The following ELOVL7 variants were observed in gnomAD, a reference collection of about 807,000 sequenced individuals.
ELOVL7 encodes the protein very long chain fatty acid elongase 7.
Under a neutral mutation model 35.7 loss-of-function variants are expected in ELOVL7, and 27 were observed. The ratio of observed to expected loss-of-function variants is 0.76; its 90% CI spans 0.56 to 1.04. The LOEUF is 1.04. Ranked by LOEUF, ELOVL7 falls within the 50% of genes least tolerant of loss-of-function variation. ELOVL7 has a pLI of 0.00. For synonymous variants in ELOVL7, 113 were observed against 114.6 expected, an observed-to-expected ratio of 0.99 and a Z score of 0.09; for missense variants, 327 against 340.8, an observed-to-expected ratio of 0.96 and a Z score of 0.32.
At chr5:60,809,049 AAAT>A (rs1213013468) in intron 1 of ELOVL7, among the ~76,000 whole-genome samples, 13 of 152,210 alleles carry the variant, frequency 8.5e-5, no homozygotes, top group Non-Finnish European at 1.5e-5. Context: ...TTTCTTTAAA[AAAT>A]AATATTAAGA....
chr5:60,816,330 G>A (rs900072211), intron 1 of ELOVL7, among the ~76,000 whole-genome samples: 14 of 151,190 alleles, frequency 9.3e-5, no homozygotes, highest in Non-Finnish European at 1.6e-4. Context: ...GCAGTGAGCC[G>A]AGATTGCATC....
chr5:60,822,543 C>G (rs1172339933), intron 1 of ELOVL7, among the ~76,000 whole-genome samples: 1 of 152,128 alleles, frequency 6.6e-6, no homozygotes, highest in African/African-American at 2.4e-5. Context: ...AAAGTAAATC[C>G]CAATGTGACA....
chr5:60,802,724 C>T (rs1464446855), intron 1 of ELOVL7: 2 of 152,104 alleles, frequency 1.3e-5, no homozygotes, highest in Admixed American at 1.3e-4. Context: ...GAAAATTAGA[C>T]CATAAGCCTT....
intron 7 of ELOVL7, among the ~76,000 whole-genome samples, chr5:60,758,377 T>C (rs556173840): frequency 1.3e-5 from 2 of 152,318 alleles, no homozygotes; most frequent in South Asian, 4.1e-4. Context: ...GAATATTTTT[T>C]TATATGTCAT....
At chr5:60,792,645 C>T (rs1744007756) in intron 2 of ELOVL7, among the ~76,000 whole-genome samples, 1 of 152,104 alleles carries the variant, frequency 6.6e-6, no homozygotes, top group Admixed American at 6.6e-5. Flanking sequence ...GGTGGGAGAA[C>T]TGCTTGAGCC....
rs1050118352 is a variant in ELOVL7 at position 60,799,712 on chromosome 5, A to G, written c.-85-482T>C. Reference sequence around the variant, plus strand: ...TAAAATAAAAGTCCAGGACCTGATAACTTCACTGTTAAATTCTACCAAACA... The same window carrying G: ...TAAAATAAAAGTCCAGGACCTGATAGCTTCACTGTTAAATTCTACCAAACA... On this transcript the variant is annotated intron_variant, in intron 1 of 8. Transcript: ENST00000508821. 2.0e-5 allele frequency among the ~76,000 whole-genome samples: 3 copies of G among 152,296 alleles called. No homozygotes were observed. In the South Asian group the frequency reaches 6.2e-4, roughly 32 times the overall value.
At chr5:60,800,913 T>A (rs1270721820) in intron 1 of ELOVL7, among the ~76,000 whole-genome samples, 1 of 152,196 alleles carries the variant, frequency 6.6e-6, no homozygotes, top group East Asian at 1.9e-4. Flanking sequence ...TTCTAATTTT[T>A]AAAAATGTTT....
intron 2 of ELOVL7, among the ~76,000 whole-genome samples, chr5:60,788,994 G>A (rs565763899): frequency 2.0e-5 from 3 of 151,900 alleles, no homozygotes; most frequent in Non-Finnish European, 2.9e-5. Flanking sequence ...ACAGCCATCC[G>A]AGAAAAAAAG....
intron 3 of ELOVL7, among the ~76,000 whole-genome samples, chr5:60,786,859 G>A (rs537821568): frequency 1.5e-3 from 222 of 151,834 alleles, no homozygotes; most frequent in Non-Finnish European, 2.3e-3. Context: ...GAAGAATGGC[G>A]TGAACCAGGG....
chr5:60,767,820 T>C lies in ELOVL7; in HGVS notation c.336+3A>G. 1 of 1,610,624 alleles carries C rather than the reference T, an allele frequency of 6.2e-7. No individual in the cohort carries two copies. The highest frequency in any genetic ancestry group is 8.5e-7 in the Non-Finnish European group (1 of 1,176,880). On this transcript the variant is annotated splice_donor_region_variant and intron_variant, in intron 5 of 8. Transcript: ENST00000508821. The stretch of plus-strand genomic sequence containing the variant: ...TTTCAAGTTTTTCCAAAGAGAAACT[T>C]ACCCTCAAAGCTGTGGGTGACCGTG...
In ELOVL7 at chr5:60,752,325, C is replaced by T. The variant is rs1195514218; in HGVS notation, c.*2299G>A. 1 of 152,566 alleles carries T rather than the reference C, an allele frequency of 6.6e-6. No individual in the cohort carries two copies. Among genetic ancestry groups the T allele is most frequent in the Non-Finnish European group, 1.5e-5 (1 of 68,024 alleles). The allele number at this position is 152,566 out of a possible 1,614,324, so 9.5% of individuals were successfully genotyped here. ...ATATAATTGAGTATGTGTTTTATTACATGTTAGCTTATAGGCAAGTTAAAC... is the reference window on the plus strand; with the variant it reads ...ATATAATTGAGTATGTGTTTTATTATATGTTAGCTTATAGGCAAGTTAAAC... On this transcript the variant is annotated 3_prime_UTR_variant, in exon 9 of 9. Transcript: ENST00000508821.
chr5:60,776,104 A>C (rs918529612), intron 3 of ELOVL7, among the ~76,000 whole-genome samples: 4 of 152,342 alleles, frequency 2.6e-5, no homozygotes, highest in African/African-American at 9.6e-5. Flanking sequence ...TCCAGAATCC[A>C]CAAGAAACTT....
chr5:60,826,037 G>A (rs1311186524), intron 1 of ELOVL7, among the ~76,000 whole-genome samples: 1 of 152,210 alleles, frequency 6.6e-6, no homozygotes, highest in Non-Finnish European at 1.5e-5. Context: ...ATCCTATAGA[G>A]AGCAAAAAGC....
intron 3 of ELOVL7, among the ~76,000 whole-genome samples, chr5:60,776,767 T>C (rs969616196): frequency 1.3e-5 from 2 of 152,168 alleles, no homozygotes; most frequent in African/African-American, 2.4e-5. Context: ...TTTTAAGTAC[T>C]ATGTTCACTA....
chr5:60,827,057 A>G (rs1217585227), intron 1 of ELOVL7, among the ~76,000 whole-genome samples: 1 of 152,208 alleles, frequency 6.6e-6, no homozygotes, highest in African/African-American at 2.4e-5. Flanking sequence ...ATGTCTGCAA[A>G]AAACATCTCT....
chr5:60,816,091 T>G (rs1745498506), intron 1 of ELOVL7, among the ~76,000 whole-genome samples: 1 of 152,180 alleles, frequency 6.6e-6, no homozygotes, highest in African/African-American at 2.4e-5. Context: ...AGAAGAGTTT[T>G]GGGAAGGGCC....
rs78681535 is a variant in ELOVL7 at position 60,824,410 on chromosome 5, T to C, written c.-86+19750A>G. Among the ~76,000 whole-genome samples the C allele has an allele frequency of 7.6e-3, 1,153 of 152,276 alleles. 14 individuals carry two copies. Among genetic ancestry groups the C allele is most frequent in the African/African-American group, 0.026 (1,086 of 41,542 alleles). On this transcript the variant is annotated intron_variant, in intron 1 of 8. Coordinates refer to ENST00000508821, the MANE Select transcript of ELOVL7 (RefSeq NM_024930.3). ...TCAAAGTCTCTAAGGCATGTGGGATTGAAGCGAAGAACAAGAGACAAAGAA... is the reference window on the plus strand; with the variant it reads ...TCAAAGTCTCTAAGGCATGTGGGATCGAAGCGAAGAACAAGAGACAAAGAA...
chr5:60,843,291 G>C (rs1002572217), intron 1 of ELOVL7: 1 of 152,232 alleles, frequency 6.6e-6, no homozygotes, highest in Admixed American at 6.5e-5. Flanking sequence ...TCCAAAGAGC[G>C]CTCTGTCCGC....
intron 1 of ELOVL7, among the ~76,000 whole-genome samples, chr5:60,819,509 C>T (rs1388777413): frequency 6.6e-6 from 1 of 152,060 alleles, no homozygotes; most frequent in Non-Finnish European, 1.5e-5. Context: ...AGGCTGGGAA[C>T]GGTGGCTCAT....
Sources: allele counts gnomAD v4.1 joint callset (sites outside exome capture counted in the v4.1 genomes callset), GRCh38; gene constraint gnomAD v4.1.1; transcripts MANE v1.5; gene names NCBI Gene and HGNC (gene_info 2026-07-23, HGNC 2026-07-21).